ATXN7L1: variants seen among roughly 807,000 people sequenced by gnomAD.
ATXN7L1 encodes ataxin-7-like protein 1.
A neutral mutation model predicts 70.8 loss-of-function variants in ATXN7L1; 15 were observed. The ratio of observed to expected loss-of-function variants is 0.21; its 90% CI spans 0.14 to 0.33. ATXN7L1 has a LOEUF of 0.33. ATXN7L1 is among the 10% of genes least tolerant of loss of function. The pLI is 1.00. For synonymous variants in ATXN7L1, 440 were observed against 445.1 expected, an observed-to-expected ratio of 0.99 and a Z score of 0.14; for missense variants, 975 against 1,097.1, an observed-to-expected ratio of 0.89 and a Z score of 1.57.
intron 3 of ATXN7L1, among the ~76,000 whole-genome samples, chr7:105,771,726 T>C (rs1432793397): frequency 6.6e-6 from 1 of 152,220 alleles, no homozygotes; most frequent in Admixed American, 6.5e-5. Context: ...TATGCAAAGA[T>C]TTTTGTGTTA....
chr7:105,619,535 T>TATAA (rs1794615912), intron 9 of ATXN7L1, among the ~76,000 whole-genome samples: 1 of 4,184 alleles, frequency 2.4e-4, no homozygotes, highest in African/African-American at 6.9e-4. Context: ...TATATATTTT[T>TATAA]TTTTTTTTTT....
At chr7:105,843,444 A>G (rs1813519896) in intron 2 of ATXN7L1, among the ~76,000 whole-genome samples, 1 of 152,236 alleles carries the variant, frequency 6.6e-6, no homozygotes, top group Non-Finnish European at 1.5e-5. Flanking sequence ...AAGCTAAGTG[A>G]GCGGATGGCC....
At chr7:105,705,367 G>A (rs192824183) in intron 3 of ATXN7L1, among the ~76,000 whole-genome samples, 1 of 152,192 alleles carries the variant, frequency 6.6e-6, no homozygotes, top group Non-Finnish European at 1.5e-5. Context: ...TTTCTGCTGC[G>A]CTATTGAACA....
At chr7:105,750,320 C>A (rs983336382) in intron 3 of ATXN7L1, among the ~76,000 whole-genome samples, 1 of 151,398 alleles carries the variant, frequency 6.6e-6, no homozygotes, top group African/African-American at 2.4e-5. Flanking sequence ...CTCTATTGCC[C>A]GGGCTGAGTG....
chr7:105,653,873 C>G (rs530895222), intron 4 of ATXN7L1, among the ~76,000 whole-genome samples: 1 of 152,272 alleles, frequency 6.6e-6, no homozygotes, highest in East Asian at 1.9e-4. Flanking sequence ...GTGCCCTCCC[C>G]CATTCTCCAG....
At chr7:105,839,288 A>G (rs1812860471) in intron 2 of ATXN7L1, among the ~76,000 whole-genome samples, 2 of 151,902 alleles carry the variant, frequency 1.3e-5, no homozygotes, top group Non-Finnish European at 2.9e-5. Flanking sequence ...AAACTTGAAC[A>G]TGGAAGATGG....
chr7:105,818,236 C>A (rs1401076200), intron 2 of ATXN7L1, among the ~76,000 whole-genome samples: 2 of 152,130 alleles, frequency 1.3e-5, no homozygotes, highest in Non-Finnish European at 2.9e-5. Context: ...GTGGAGAGAT[C>A]TCAGATCACT....
At chr7:105,801,842 T>C (rs953683053) in intron 2 of ATXN7L1, among the ~76,000 whole-genome samples, 2 of 152,126 alleles carry the variant, frequency 1.3e-5, no homozygotes, top group African/African-American at 4.8e-5. Flanking sequence ...ACCTTGAAAA[T>C]TGGCAAACAC....
chr7:105,613,796 C>T, intron 10 of ATXN7L1, 66 bp downstream of exon 10: 1 of 1,550,806 alleles, frequency 6.4e-7, no homozygotes, highest in South Asian at 1.2e-5. Context: ...CCCGGCTAAG[C>T]AGGGGCGCTG....
intron 3 of ATXN7L1, among the ~76,000 whole-genome samples, chr7:105,736,919 G>T (rs1394186042): frequency 6.6e-6 from 1 of 152,152 alleles, no homozygotes; most frequent in African/African-American, 2.4e-5. Flanking sequence ...GTTCTTTTTA[G>T]GTTTGGGTAT....
intron 3 of ATXN7L1, among the ~76,000 whole-genome samples, chr7:105,783,544 A>G (rs941750697): frequency 6.6e-6 from 1 of 152,076 alleles, no homozygotes; most frequent in African/African-American, 2.4e-5. Flanking sequence ...GATTTAACCA[A>G]TCATGCATGG....
intron 7 of ATXN7L1, among the ~76,000 whole-genome samples, chr7:105,625,279 C>G (rs1041125463): frequency 6.6e-6 from 1 of 152,214 alleles, no homozygotes; most frequent in African/African-American, 2.4e-5. Flanking sequence ...ACGAAACACT[C>G]TCACTCTGTC....
At chr7:105,746,079 T>G (rs1798554472) in intron 3 of ATXN7L1, among the ~76,000 whole-genome samples, 1 of 152,144 alleles carries the variant, frequency 6.6e-6, no homozygotes. Flanking sequence ...TCTCTCACAC[T>G]CCATATCCTA....
At chr7:105,867,556 G>A (rs1454129228) in intron 2 of ATXN7L1, among the ~76,000 whole-genome samples, 1 of 152,178 alleles carries the variant, frequency 6.6e-6, no homozygotes, top group Non-Finnish European at 1.5e-5. Flanking sequence ...GTCATCTTGG[G>A]AACTTTGGGA....
At chr7:105,732,538 T>C (rs1021126025) in intron 3 of ATXN7L1, among the ~76,000 whole-genome samples, 2 of 152,232 alleles carry the variant, frequency 1.3e-5, no homozygotes, top group African/African-American at 4.8e-5. Context: ...ATAGTTTGAT[T>C]TAGCAGCTTG....
At chr7:105,646,209 A>G (rs1245117321) in intron 4 of ATXN7L1, among the ~76,000 whole-genome samples, 1 of 152,040 alleles carries the variant, frequency 6.6e-6, no homozygotes, top group African/African-American at 2.4e-5. Flanking sequence ...GTTACTTGGG[A>G]GGCTGCAGGT....
Position 105,625,800 on chromosome 7 carries a change from C to T in ATXN7L1, c.1203-1533G>A, listed in dbSNP as rs139763753. On this transcript the variant is annotated intron_variant, in intron 7 of 11. Transcript: ENST00000419735. ...AGGCAAAACCAAAATCAAACACATCCGCATTAGCAGAAGAGTTAGATGAGG... is the reference window on the plus strand; with the variant it reads ...AGGCAAAACCAAAATCAAACACATCTGCATTAGCAGAAGAGTTAGATGAGG... Among the ~76,000 whole-genome samples, 162 of 152,226 alleles carry T rather than the reference C, an allele frequency of 1.1e-3. 2 individuals carry two copies. Among genetic ancestry groups the T allele is most frequent in the Non-Finnish European group, 1.7e-3 (113 of 68,024 alleles).
intron 3 of ATXN7L1, among the ~76,000 whole-genome samples, chr7:105,732,552 C>A (rs1796692769): frequency 6.6e-6 from 1 of 152,088 alleles, no homozygotes; most frequent in African/African-American, 2.4e-5. Context: ...CAGCTTGGGA[C>A]CATGGACCCC....
At chr7:105,840,269 G>A (rs1202917549) in intron 2 of ATXN7L1, among the ~76,000 whole-genome samples, 1 of 152,226 alleles carries the variant, frequency 6.6e-6, no homozygotes, top group Non-Finnish European at 1.5e-5. Flanking sequence ...CTGGATTGGA[G>A]AGTCACTAAC....
Sources: gnomAD v4.1 joint callset for allele counts (sites outside exome capture counted in the v4.1 genomes callset) on GRCh38, gnomAD v4.1.1 for gene constraint, MANE v1.5 for transcripts, NCBI Gene and HGNC (gene_info 2026-07-23, HGNC 2026-07-21) for gene names.